TOPAZ1: variants seen among roughly 807,000 people sequenced by gnomAD.
The protein encoded by TOPAZ1 is protein TOPAZ1.
In TOPAZ1, 66 loss-of-function variants were observed where a neutral mutation model predicts 172.2. The observed-to-expected ratio is 0.38, with a 90% confidence interval of 0.31 to 0.47. The LOEUF (loss-of-function observed/expected upper bound fraction) is 0.47, where lower values mean the gene tolerates loss of function less well. TOPAZ1 is among the 20% of genes least tolerant of loss of function. TOPAZ1 has a pLI of 0.99. For missense variants in TOPAZ1, 1,822 were observed against 1,972.4 expected, an observed-to-expected ratio of 0.92 and a Z score of 1.44; for synonymous variants, 681 against 683.9, an observed-to-expected ratio of 1.00 and a Z score of 0.07.
Position 44,243,114 on chromosome 3 carries a change from A to G in TOPAZ1, c.608A>G (p.Tyr203Cys). 6.5e-7 allele frequency: 1 copy of G among 1,550,198 alleles called. No homozygotes were observed. Among genetic ancestry groups the G allele is most frequent in the Non-Finnish European group, 8.7e-7 (1 of 1,146,270 alleles). Residue 203 changes from tyrosine (Y) to cysteine (C), a missense_variant, in exon 2 of 20, where the codon TAC becomes TGC. Tyr to Cys is a radical substitution (Grantham distance 194). Coordinates refer to ENST00000309765, the MANE Select transcript of TOPAZ1 (RefSeq NM_001145030.2). ...NIKVEFQDEL[Y>C]KNTPKYSCNI... ...AAGGTTGAATTCCAAGATGAACTGT[A>G]CAAGAATACTCCAAAATATTCTTGT... is the stretch of plus-strand genomic sequence containing the variant.
intron 16 of TOPAZ1, among the ~76,000 whole-genome samples, chr3:44,314,231 T>A (rs1700428338): frequency 6.6e-6 from 1 of 152,058 alleles, no homozygotes; most frequent in African/African-American, 2.4e-5. Context: ...CCGGCCAACT[T>A]TGCATTTAAT....
At chr3:44,312,512 T>C (rs1466550083) in intron 16 of TOPAZ1, among the ~76,000 whole-genome samples, 1 of 152,178 alleles carries the variant, frequency 6.6e-6, no homozygotes, top group Non-Finnish European at 1.5e-5. Flanking sequence ...CATACATTAC[T>C]CAAGTTTGAG....
chr3:44,311,424 G>A (rs1398971484), intron 16 of TOPAZ1, among the ~76,000 whole-genome samples: 4 of 152,252 alleles, frequency 2.6e-5, no homozygotes, highest in South Asian at 4.1e-4. Context: ...AAATGAACTT[G>A]GGTCACCTTA....
intron 12 of TOPAZ1, among the ~76,000 whole-genome samples, chr3:44,293,288 A>G (rs1211634195): frequency 6.6e-6 from 1 of 152,168 alleles, no homozygotes; most frequent in Non-Finnish European, 1.5e-5. Context: ...TTTAGAGTGT[A>G]CTCCTACTTA....
intron 18 of TOPAZ1, among the ~76,000 whole-genome samples, chr3:44,327,770 A>T (rs1700617516): frequency 6.6e-6 from 1 of 151,038 alleles, no homozygotes; most frequent in African/African-American, 2.4e-5. Flanking sequence ...GTTGAGATGG[A>T]GTCTCACACT....
At position 44,305,292 on chromosome 3, in the gene TOPAZ1, A is replaced by C; in HGVS notation, c.4010A>C (p.Asp1337Ala). 1 of 1,542,066 alleles carries C rather than the reference A, an allele frequency of 6.5e-7. No homozygotes were observed. Among genetic ancestry groups the C allele is most frequent in the Non-Finnish European group, 8.7e-7 (1 of 1,144,654 alleles). Residue 1337 changes from aspartate to alanine, a missense_variant, in exon 14 of 20, where the codon GAT becomes GCT. Transcript: ENST00000309765. ...LTKNYEDERPDIPFCEFAETV... is the reference protein window; with the variant it reads ...LTKNYEDERPAIPFCEFAETV... ...AAAAACTATGAAGATGAAAGACCAG[A>C]TATTCCCTTTTGTGAATTTGCTGAA...
intron 5 of TOPAZ1, among the ~76,000 whole-genome samples, chr3:44,264,449 T>TA (rs1292281712): frequency 6.6e-6 from 1 of 152,238 alleles, no homozygotes; most frequent in Non-Finnish European, 1.5e-5. Context: ...CATTTAAAAA[T>TA]ACTTTATTGC....
rs1391053245 is a variant in TOPAZ1 at position 44,244,046 on chromosome 3, G to C, written c.1540G>C (p.Glu514Gln). ...AWCWKKASLP[E>Q]SSYFLRGSQE... ...GTGTTGGAAAAAGGCTTCCTTGCCA[G>C]AATCAAGTTACTTTCTTCGTGGGTC... Residue 514 changes from glutamate to glutamine, a missense_variant, in exon 2 of 20, where the codon GAA becomes CAA. By Grantham distance (29) the Glu-to-Gln change is conservative (BLOSUM62 2). Around this residue, in one of 2 missense-constraint regions of TOPAZ1, gnomAD observed 1,489 missense variants for 1,490.8 expected, o/e 1.00. Transcript: ENST00000309765. 2.6e-6 allele frequency: 4 copies of C among 1,551,832 alleles called. No individual in the cohort carries two copies. Among genetic ancestry groups the C allele is most frequent in the Non-Finnish European group, 3.5e-6 (4 of 1,146,996 alleles).
At chr3:44,259,950 T>C (rs1699757083) in intron 4 of TOPAZ1, among the ~76,000 whole-genome samples, 1 of 152,182 alleles carries the variant, frequency 6.6e-6, no homozygotes, top group Non-Finnish European at 1.5e-5. Flanking sequence ...TCCCTGCATG[T>C]CAAGGGAGAG....
In TOPAZ1 at chr3:44,270,764, G is replaced by A. The variant is rs967557654; in HGVS notation, c.3326G>A (p.Arg1109Gln). Reference sequence around the variant, plus strand: ...TTTAATACATTACGTGGCTGTGAGCGACCACTGTGCAAGTTTGCTCATGTG... The same window carrying A: ...TTTAATACATTACGTGGCTGTGAGCAACCACTGTGCAAGTTTGCTCATGTG... The part of the protein sequence containing the change: ...FHFNTLRGCE[R>Q]PLCKFAHVPE... Residue 1109 changes from arginine to glutamine, a missense_variant, in exon 8 of 20, where the codon CGA (arginine) becomes CAA (glutamine). Arg to Gln is a conservative substitution (Grantham distance 43, BLOSUM62 1). Around this residue, in one of 2 missense-constraint regions of TOPAZ1, gnomAD observed 1,489 missense variants for 1,490.8 expected, o/e 1.00. Coordinates refer to ENST00000309765, the MANE Select transcript of TOPAZ1 (RefSeq NM_001145030.2). 17 of 1,550,506 alleles carry A rather than the reference G, an allele frequency of 1.1e-5. No individual in the cohort carries two copies. The highest frequency in any genetic ancestry group is 2.7e-5 in the African/African-American group (2 of 72,960).
At chr3:44,255,617 A>C (rs1575707092) in intron 3 of TOPAZ1, among the ~76,000 whole-genome samples, 1 of 144,178 alleles carries the variant, frequency 6.9e-6, no homozygotes, top group East Asian at 2.2e-4. Flanking sequence ...ACGCCACTGC[A>C]CTCCAGCCTG....
At chr3:44,242,479 A>G in intron 1 of TOPAZ1, 80 bp downstream of exon 1, 1 of 1,380,930 alleles carries the variant, frequency 7.2e-7, no homozygotes, top group South Asian at 1.3e-5. Context: ...CTAGTCTTTA[A>G]CTTGAACCTG....
chr3:44,291,129 G>C (rs1048442254), intron 12 of TOPAZ1, among the ~76,000 whole-genome samples: 1 of 152,028 alleles, frequency 6.6e-6, no homozygotes, highest in African/African-American at 2.4e-5. Flanking sequence ...TGTAAAAAGA[G>C]TGTCTTTTAT....
chr3:44,270,578 A>G (rs531149259), intron 7 of TOPAZ1, 107 bp from the exon 8 acceptor site: 2 of 655,338 alleles, frequency 3.1e-6, no homozygotes, highest in East Asian at 6.8e-5. Context: ...AGTTATCTTG[A>G]TACTCTTTGG....
chr3:44,305,901 G>A (rs1460529114), intron 14 of TOPAZ1, among the ~76,000 whole-genome samples: 1 of 152,036 alleles, frequency 6.6e-6, no homozygotes, highest in Non-Finnish European at 1.5e-5. Context: ...ACTCAGATTG[G>A]TAAAACTATT....
intron 12 of TOPAZ1, among the ~76,000 whole-genome samples, chr3:44,296,856 A>G (rs1286226422): frequency 1.7e-5 from 2 of 117,226 alleles, no homozygotes; most frequent in East Asian, 4.7e-4. Flanking sequence ...CCAAAAAAAA[A>G]AAAAAAAAGA....
chr3:44,278,401 G>C (rs551022134), intron 8 of TOPAZ1, among the ~76,000 whole-genome samples: 1 of 152,248 alleles, frequency 6.6e-6, no homozygotes, highest in South Asian at 2.1e-4. Context: ...GAATGAGTTA[G>C]GGACAATTCC....
intron 16 of TOPAZ1, among the ~76,000 whole-genome samples, chr3:44,317,765 T>C (rs1055707180): frequency 2.6e-5 from 4 of 152,246 alleles, no homozygotes; most frequent in Admixed American, 1.3e-4. Flanking sequence ...CTTTTACTGC[T>C]ATAAAACTAG....
chr3:44,270,076 C>A (rs567836354), intron 7 of TOPAZ1, among the ~76,000 whole-genome samples: 1 of 152,226 alleles, frequency 6.6e-6, no homozygotes, highest in East Asian at 1.9e-4. Flanking sequence ...ACAGAAAAAA[C>A]AGGCTGAATA....
Sources: gnomAD v4.1 joint callset for allele counts (sites outside exome capture counted in the v4.1 genomes callset) on GRCh38, gnomAD v4.1.1 for gene constraint, gnomAD v4.1.1 regional missense constraint, MANE v1.5 for transcripts, NCBI Gene and HGNC (gene_info 2026-07-23, HGNC 2026-07-21) for gene names.